MGAT5: variants seen among roughly 807,000 people sequenced by gnomAD.
MGAT5 encodes alpha-1,6-mannosylglycoprotein 6-beta-N-acetylglucosaminyltransferase, also known as alpha-1,6-mannosylglycoprotein 6-beta-N-acetylglucosaminyltransferase A.
A neutral mutation model predicts 94.3 loss-of-function variants in MGAT5; 30 were observed. The ratio of observed to expected loss-of-function variants is 0.32; its 90% confidence interval spans 0.24 to 0.43. MGAT5 has a LOEUF of 0.43. Among genes scored for constraint, MGAT5 ranks in the 20% least tolerant of loss-of-function variants. The probability of loss-of-function intolerance (pLI) is 1.00; values close to 1 mark genes in which losing one functional copy is unlikely to be tolerated. For missense variants in MGAT5, 691 were observed against 905.5 expected (o/e 0.76, Z 3.04); for synonymous variants, 310 against 322.9 (o/e 0.96, Z 0.43).
chr2:134,433,384 C>T (rs116098250), intron 14 of MGAT5, among the ~76,000 whole-genome samples: 426 of 152,254 alleles, frequency 2.8e-3, no homozygotes, highest in Middle Eastern at 0.01. Context: ...GACCTGTTTT[C>T]GTTTCTCCTG....
At chr2:134,166,562 CCTTT>C (rs201796156) in intron 1 of MGAT5, among the ~76,000 whole-genome samples, 2 of 152,274 alleles carry the variant, frequency 1.3e-5, no homozygotes, top group East Asian at 3.9e-4. Flanking sequence ...ATTAATGTTG[CCTTT>C]CTTGTCTGGC....
chr2:134,384,446 C>G (rs147226918), intron 10 of MGAT5, among the ~76,000 whole-genome samples: 19 of 152,264 alleles, frequency 1.2e-4, no homozygotes, highest in African/African-American at 4.1e-4. Flanking sequence ...TCATTGGAGC[C>G]AATCCCCTTT....
At chr2:134,148,015 C>G (rs1687002411) in intron 1 of MGAT5, among the ~76,000 whole-genome samples, 1 of 152,156 alleles carries the variant, frequency 6.6e-6, no homozygotes. Flanking sequence ...AGAATAAAAC[C>G]ATTTTTAGAT....
intron 2 of MGAT5, among the ~76,000 whole-genome samples, chr2:134,297,417 T>A (rs1685742893): frequency 6.6e-6 from 1 of 152,132 alleles, no homozygotes; most frequent in Non-Finnish European, 1.5e-5. Flanking sequence ...TAACACCCTG[T>A]TACCAAAGCT....
chr2:134,384,230 G>A (rs1573977691), intron 10 of MGAT5, among the ~76,000 whole-genome samples: 2 of 108,630 alleles, frequency 1.8e-5, no homozygotes, highest in African/African-American at 3.2e-5. Flanking sequence ...AAAAAAAAAA[G>A]TCATCATCCT....
intron 9 of MGAT5, among the ~76,000 whole-genome samples, chr2:134,360,215 T>A (rs943530662): frequency 1.3e-5 from 2 of 152,174 alleles, no homozygotes; most frequent in Non-Finnish European, 2.9e-5. Context: ...AGTGTCAGAG[T>A]TAATTGAGTA....
intron 2 of MGAT5, among the ~76,000 whole-genome samples, chr2:134,308,307 G>A (rs1479076782): frequency 6.6e-6 from 1 of 152,142 alleles, no homozygotes; most frequent in African/African-American, 2.4e-5. Flanking sequence ...GCAACAAAGA[G>A]ACCCAAAAAT....
chr2:134,125,856 T>C lies in MGAT5; in HGVS notation c.-143+5565T>C, dbSNP rs114477363. On this transcript the variant is annotated intron_variant, in intron 1 of 16. Coordinates refer to the MGAT5 transcript ENST00000409645. Reference sequence around the variant, plus strand: ...CCCTTTCTCATGTCACCTTTTAAGTTTGACATGATAAGAATCCAGTCTGGG... The same window carrying C: ...CCCTTTCTCATGTCACCTTTTAAGTCTGACATGATAAGAATCCAGTCTGGG... Among the ~76,000 whole-genome samples the C allele has an allele frequency of 3.5e-3, 538 of 152,334 alleles. 5 individuals are homozygous for C. Among genetic ancestry groups the C allele is most frequent in the African/African-American group, 0.013 (523 of 41,578 alleles).
At chr2:134,267,839 T>C (rs1683812411) in intron 1 of MGAT5, among the ~76,000 whole-genome samples, 1 of 152,238 alleles carries the variant, frequency 6.6e-6, no homozygotes, top group Admixed American at 6.5e-5. Context: ...CTCCAGTGAA[T>C]GGAAGTCACA....
chr2:134,436,990 CTTTTG>C (rs1055993124), intron 14 of MGAT5, among the ~76,000 whole-genome samples: 6 of 152,262 alleles, frequency 3.9e-5, no homozygotes, highest in African/African-American at 1.4e-4. Context: ...TAGCTTCAGG[CTTTTG>C]TTTTGTTTTT....
chr2:134,153,688 C>G (rs1207254584), intron 1 of MGAT5, among the ~76,000 whole-genome samples: 1 of 152,144 alleles, frequency 6.6e-6, no homozygotes, highest in African/African-American at 2.4e-5. Context: ...GAGGAGTTTT[C>G]TGTATTGCCT....
intron 1 of MGAT5, among the ~76,000 whole-genome samples, chr2:134,235,956 C>T (rs767705165): frequency 2.6e-5 from 4 of 152,124 alleles, no homozygotes; most frequent in Non-Finnish European, 4.4e-5. Flanking sequence ...CTTCCTACCA[C>T]GATCACATTC....
intron 1 of MGAT5, among the ~76,000 whole-genome samples, chr2:134,264,096 C>T (rs377126353): frequency 1.4e-5 from 2 of 144,544 alleles, no homozygotes; most frequent in Non-Finnish European, 3.0e-5. Flanking sequence ...GATCTCGGCT[C>T]GCCGCAATCT....
intron 14 of MGAT5, among the ~76,000 whole-genome samples, chr2:134,435,625 A>T (rs954531368): frequency 4.6e-5 from 7 of 152,140 alleles, no homozygotes; most frequent in African/African-American, 1.7e-4. Flanking sequence ...ACTAGATTGC[A>T]TGTCGTCATG....
chr2:134,254,932 G>A (rs1558735382), intron 1 of MGAT5, among the ~76,000 whole-genome samples: 1 of 152,192 alleles, frequency 6.6e-6, no homozygotes, highest in South Asian at 2.1e-4. Flanking sequence ...CACATTTCAG[G>A]AACCATGTGA....
chr2:134,339,175 G>C (rs1377584290), intron 6 of MGAT5, among the ~76,000 whole-genome samples: 1 of 152,166 alleles, frequency 6.6e-6, no homozygotes, highest in African/African-American at 2.4e-5. Context: ...GTTTTGCCTA[G>C]ATCTCTTGAA....
intron 11 of MGAT5, among the ~76,000 whole-genome samples, chr2:134,411,658 G>C (rs2106326923): frequency 6.6e-6 from 1 of 152,276 alleles, no homozygotes; most frequent in South Asian, 2.1e-4. Flanking sequence ...CGGCAGCTTG[G>C]GCCTGGCACC....
intron 10 of MGAT5, among the ~76,000 whole-genome samples, chr2:134,381,995 A>G (rs1681659162): frequency 6.6e-6 from 1 of 152,150 alleles, no homozygotes; most frequent in African/African-American, 2.4e-5. Flanking sequence ...GGTTTTCAGG[A>G]ATTGAGAAGT....
intron 12 of MGAT5, among the ~76,000 whole-genome samples, chr2:134,417,105 G>A (rs1281300168): frequency 6.6e-6 from 1 of 152,016 alleles, no homozygotes; most frequent in Non-Finnish European, 1.5e-5. Flanking sequence ...TGGTATACAA[G>A]TATTTTGAGT....
Sources: gnomAD v4.1 joint callset for allele counts (sites outside exome capture counted in the v4.1 genomes callset) on GRCh38, gnomAD v4.1.1 for gene constraint, MANE v1.5 for transcripts, NCBI Gene and HGNC (gene_info 2026-07-23, HGNC 2026-07-21) for gene names.